PELI1: variants seen among roughly 807,000 people sequenced by gnomAD.
The protein encoded by PELI1 is pellino E3 ubiquitin protein ligase 1.
PELI1 carries 15 observed loss-of-function variants against 41.3 expected under a neutral mutation model. The ratio of observed to expected loss-of-function variants is 0.36; its 90% confidence interval spans 0.24 to 0.56. The LOEUF (loss-of-function observed/expected upper bound fraction) is 0.56. Ranked by LOEUF, PELI1 falls within the 20% of genes least tolerant of loss-of-function variation. The pLI is 0.82. For missense variants in PELI1, 403 were observed against 525.5 expected (o/e 0.77, Z 2.28); for synonymous variants, 178 against 180.1 (o/e 0.99, Z 0.09).
chr2:64,124,529 T>G (rs1681326548), intron 1 of PELI1, among the ~76,000 whole-genome samples: 1 of 152,226 alleles, frequency 6.6e-6, no homozygotes, highest in South Asian at 2.1e-4. Context: ...AACTAATCAT[T>G]TGAACATTCT....
chr2:64,131,368 G>A (rs899745707), intron 1 of PELI1, among the ~76,000 whole-genome samples: 3 of 151,802 alleles, frequency 2.0e-5, no homozygotes, highest in African/African-American at 4.8e-5. Flanking sequence ...TGGGGGTAGG[G>A]ACCTCTGACT....
chr2:64,131,090 G>A (rs981325908), intron 1 of PELI1, among the ~76,000 whole-genome samples: 5 of 152,200 alleles, frequency 3.3e-5, no homozygotes, highest in East Asian at 1.9e-4. Context: ...GTACCTAGGA[G>A]AGAACCTTCG....
At chr2:64,134,305 A>G (rs1202144403) in intron 1 of PELI1, among the ~76,000 whole-genome samples, 1 of 152,130 alleles carries the variant, frequency 6.6e-6, no homozygotes, top group Non-Finnish European at 1.5e-5. Context: ...TTGTTGAATA[A>G]ATGTCAGTGA....
intron 1 of PELI1, among the ~76,000 whole-genome samples, chr2:64,133,017 T>C (rs184262974): frequency 6.6e-6 from 1 of 152,312 alleles, no homozygotes; most frequent in African/African-American, 2.4e-5. Flanking sequence ...AAGCTAGAAC[T>C]CAGGCCTCTT....
chr2:64,099,165 T>TACACACACACACAC lies in PELI1; in HGVS notation c.303+1219_303+1232dup, dbSNP rs70965174. 2.5e-4 allele frequency among the ~76,000 whole-genome samples: 36 copies of TACACACACACACAC among 144,892 alleles called. 1 individual carries two copies. The highest frequency in any genetic ancestry group is 1.2e-3 in the East Asian group (6 of 4,946). ...AGCCTGTGACCAAATATCTTGGAGA[T>TACACACACACACAC]ACACACACACACACACACACACACA... On this transcript the variant is annotated intron_variant, in intron 4 of 6. Transcript: ENST00000358912.
Position 64,096,620 on chromosome 2 carries a change from A to T in PELI1, c.304-10T>A, listed in dbSNP as rs1010453989. 6 of 1,586,760 alleles carry T rather than the reference A, an allele frequency of 3.8e-6. No individual in the cohort carries two copies. The highest frequency in any genetic ancestry group is 3.5e-6 in the Non-Finnish European group (4 of 1,158,550). On this transcript the variant is annotated splice_polypyrimidine_tract_variant and intron_variant, in intron 4 of 6. Coordinates refer to ENST00000358912, the MANE Select transcript of PELI1 (RefSeq NM_020651.4). ...CAGTCGACCGGCCAATCTGAGGGAAAAAAAAAAATACCTATAAACCCATTC... is the reference window on the plus strand; with the variant it reads ...CAGTCGACCGGCCAATCTGAGGGAATAAAAAAAATACCTATAAACCCATTC...
intron 1 of PELI1, among the ~76,000 whole-genome samples, chr2:64,114,813 G>A (rs1680936958): frequency 6.6e-6 from 1 of 152,098 alleles, no homozygotes; most frequent in Non-Finnish European, 1.5e-5. Context: ...CTTTAAAAAT[G>A]CCTCAACTTC....
At chr2:64,107,787 C>G (rs1291671316) in intron 2 of PELI1, among the ~76,000 whole-genome samples, 1 of 151,958 alleles carries the variant, frequency 6.6e-6, no homozygotes, top group Non-Finnish European at 1.5e-5. Flanking sequence ...AAGCAATTTT[C>G]CTGCCTCAAT....
chr2:64,102,653 TGTTA>T (rs1680484061), intron 3 of PELI1, among the ~76,000 whole-genome samples: 1 of 152,216 alleles, frequency 6.6e-6, no homozygotes, highest in Non-Finnish European at 1.5e-5. Context: ...AATCTTTGTT[TGTTA>T]GTTATTAAAC....
intron 1 of PELI1, among the ~76,000 whole-genome samples, chr2:64,118,581 C>T (rs1681097834): frequency 6.6e-6 from 1 of 152,136 alleles, no homozygotes; most frequent in Non-Finnish European, 1.5e-5. Context: ...CATTTTTTAG[C>T]AGGAAGACTC....
chr2:64,132,191 G>A (rs1245984161), intron 1 of PELI1, among the ~76,000 whole-genome samples: 3 of 152,062 alleles, frequency 2.0e-5, no homozygotes, highest in African/African-American at 7.3e-5. Flanking sequence ...TTGACATCGT[G>A]CTGAGAACTT....
In PELI1 at chr2:64,096,117, G is replaced by A. The variant is rs1439693325; in HGVS notation, c.690+8C>T. 2.7e-5 allele frequency: 43 copies of A among 1,595,610 alleles called. No homozygotes were observed. The highest frequency in any genetic ancestry group is 3.5e-5 in the Non-Finnish European group (41 of 1,164,334). On this transcript the variant is annotated splice_region_variant and intron_variant, in intron 6 of 6. Coordinates refer to ENST00000358912, the MANE Select transcript of PELI1 (RefSeq NM_020651.4). ...TAGCTAATTAAGAAAATACCATTCA[G>A]TATTTACCATTTTTCCTCTCTGCTG...
At chr2:64,096,883 C>CT (rs1680257372) in intron 4 of PELI1, among the ~76,000 whole-genome samples, 1 of 152,172 alleles carries the variant, frequency 6.6e-6, no homozygotes, top group Admixed American at 6.5e-5. Flanking sequence ...GCTGAGATTT[C>CT]TAGATGGCTG....
intron 1 of PELI1, among the ~76,000 whole-genome samples, chr2:64,128,312 A>C (rs1218923362): frequency 6.6e-6 from 1 of 152,186 alleles, no homozygotes; most frequent in Non-Finnish European, 1.5e-5. Context: ...GGAATTAGAA[A>C]TAACACTTTT....
At chr2:64,107,182 G>C (rs1207589934) in intron 2 of PELI1, among the ~76,000 whole-genome samples, 1 of 152,088 alleles carries the variant, frequency 6.6e-6, no homozygotes, top group Non-Finnish European at 1.5e-5. Flanking sequence ...GCCCACCTAG[G>C]CCTCCCACCT....
At chr2:64,127,945 C>T (rs565898893) in intron 1 of PELI1, among the ~76,000 whole-genome samples, 15 of 152,090 alleles carry the variant, frequency 9.9e-5, no homozygotes, top group African/African-American at 2.4e-4. Context: ...AGGCTCCTCC[C>T]GTTCATATAA....
At chr2:64,124,345 AGCTCTAGC>A (rs1053007293) in intron 1 of PELI1, among the ~76,000 whole-genome samples, 121 of 152,336 alleles carry the variant, frequency 7.9e-4, no homozygotes, top group African/African-American at 2.6e-3. Flanking sequence ...AAGCAAATAA[AGCTCTAGC>A]ACATTAAAAA....
At chr2:64,102,061 G>A (rs1296449643) in intron 3 of PELI1, among the ~76,000 whole-genome samples, 1 of 151,936 alleles carries the variant, frequency 6.6e-6, no homozygotes, top group Non-Finnish European at 1.5e-5. Context: ...TCCTGACCTC[G>A]TGATCCACCC....
chr2:64,116,224 A>G (rs1680987061), intron 1 of PELI1, among the ~76,000 whole-genome samples: 1 of 152,208 alleles, frequency 6.6e-6, no homozygotes, highest in Non-Finnish European at 1.5e-5. Context: ...CTCCACACCT[A>G]GAAAATACAT....
Sources: gnomAD v4.1 joint callset for allele counts (sites outside exome capture counted in the v4.1 genomes callset) on GRCh38, gnomAD v4.1.1 for gene constraint, MANE v1.5 for transcripts, NCBI Gene and HGNC (gene_info 2026-07-23, HGNC 2026-07-21) for gene names.